Variants in DLC1 observed in about 807,000 individuals in gnomAD.
The protein encoded by DLC1 is DLC1 Rho GTPase activating protein.
In DLC1, 54 loss-of-function variants were observed where a neutral mutation model predicts 140.3. The observed-to-expected ratio is 0.38, with a 90% CI of 0.31 to 0.48. DLC1 has a LOEUF of 0.48. Among genes scored for constraint, DLC1 ranks in the 20% least tolerant of loss-of-function variants. DLC1 has a pLI of 0.96. For missense variants in DLC1, 2,536 were observed against 1,907.0 expected (o/e 1.33, Z -6.14); for synonymous variants, 986 against 728.1 (o/e 1.35, Z -5.70).
At chr8:13,373,737 G>T (rs767662358) in intron 4 of DLC1, among the ~76,000 whole-genome samples, 20 of 152,134 alleles carry the variant, frequency 1.3e-4, no homozygotes, top group Non-Finnish European at 1.8e-4. Context: ...TCTGCTAAGA[G>T]ATTTACTTCC....
At chr8:13,110,116 T>C (rs914966606) in intron 7 of DLC1, among the ~76,000 whole-genome samples, 7 of 151,454 alleles carry the variant, frequency 4.6e-5, no homozygotes, top group Admixed American at 2.6e-4. Flanking sequence ...ATTATCAGTG[T>C]CCCATCATCG....
intron 1 of DLC1, among the ~76,000 whole-genome samples, chr8:13,541,188 T>C (rs966767803): frequency 3.9e-5 from 6 of 152,202 alleles, no homozygotes; most frequent in Non-Finnish European, 8.8e-5. Context: ...ACAACCTGTT[T>C]ATACACTCAC....
At chr8:13,221,369 C>CTTTTT in intron 5 of DLC1, among the ~76,000 whole-genome samples, 3 of 141,450 alleles carry the variant, frequency 2.1e-5, no homozygotes, top group South Asian at 4.5e-4. Context: ...GTTTTCTTTT[C>CTTTTT]TTTTTTTTTT....
intron 2 of DLC1, among the ~76,000 whole-genome samples, chr8:13,415,764 G>A (rs1291241187): frequency 6.6e-6 from 1 of 152,084 alleles, no homozygotes; most frequent in Non-Finnish European, 1.5e-5. Context: ...ACTTGAAGAA[G>A]AAGTGCTGGA....
At chr8:13,554,396 G>C (rs2117365149) in intron 1 of DLC1, among the ~76,000 whole-genome samples, 1 of 152,172 alleles carries the variant, frequency 6.6e-6, no homozygotes, top group African/African-American at 2.4e-5. Context: ...CTCCTATAGT[G>C]CCTTCTAGGT....
At chr8:13,387,608 T>A (rs577047967) in intron 4 of DLC1, among the ~76,000 whole-genome samples, 1 of 152,186 alleles carries the variant, frequency 6.6e-6, no homozygotes, top group Non-Finnish European at 1.5e-5. Context: ...CTGGTTTACA[T>A]TGAAATTACT....
At chr8:13,410,411 T>C (rs1837734020) in intron 2 of DLC1, among the ~76,000 whole-genome samples, 1 of 152,018 alleles carries the variant, frequency 6.6e-6, no homozygotes, top group Non-Finnish European at 1.5e-5. Context: ...AAAACAGAGA[T>C]GATTATATTA....
intron 4 of DLC1, among the ~76,000 whole-genome samples, chr8:13,349,887 G>A (rs56058907): frequency 0.017 from 2,608 of 152,288 alleles, 87 homozygotes; most frequent in African/African-American, 0.059. Flanking sequence ...GGAGGTGAAT[G>A]TAGCCACAGG....
chr8:13,139,288 C>CAAAAAAAAAAAAAAAAA (rs67684524), intron 5 of DLC1, among the ~76,000 whole-genome samples: 7 of 49,286 alleles, frequency 1.4e-4, no homozygotes, highest in Non-Finnish European at 2.2e-4. Flanking sequence ...GACCCTGTCT[C>CAAAAAAAAAAAAAAAAA]AAAAAAAAAA....
At chr8:13,525,895 C>G (rs778841864) in intron 1 of DLC1, among the ~76,000 whole-genome samples, 1 of 151,998 alleles carries the variant, frequency 6.6e-6, no homozygotes, top group Non-Finnish European at 1.5e-5. Flanking sequence ...AAGATCTCTG[C>G]CTAATCTAAG....
chr8:13,398,659 C>CA (rs1264562577), intron 3 of DLC1, among the ~76,000 whole-genome samples: 1 of 150,542 alleles, frequency 6.6e-6, no homozygotes, highest in East Asian at 1.9e-4. Context: ...CCTGTAGTCC[C>CA]AACTATACTT....
At chr8:13,440,328 C>A (rs1798448891) in intron 2 of DLC1, among the ~76,000 whole-genome samples, 1 of 152,118 alleles carries the variant, frequency 6.6e-6, no homozygotes, top group Non-Finnish European at 1.5e-5. Context: ...CCAAGTTTCA[C>A]AAATGCTACT....
At chr8:13,486,457 A>C (rs1800971365) in intron 2 of DLC1, among the ~76,000 whole-genome samples, 1 of 152,146 alleles carries the variant, frequency 6.6e-6, no homozygotes, top group Non-Finnish European at 1.5e-5. Flanking sequence ...GATGTTGGCC[A>C]ATTCTTTCTG....
chr8:13,457,882 G>A (rs570075161), intron 2 of DLC1, among the ~76,000 whole-genome samples: 1 of 151,918 alleles, frequency 6.6e-6, no homozygotes, highest in East Asian at 1.9e-4. Flanking sequence ...TCTGTATTAT[G>A]GTAGTGTGGG....
At chr8:13,350,441 C>A (rs561105842) in intron 4 of DLC1, among the ~76,000 whole-genome samples, 2 of 152,068 alleles carry the variant, frequency 1.3e-5, no homozygotes, top group African/African-American at 2.4e-5. Context: ...CCAGGCCAGG[C>A]GTGGTGGCTC....
intron 5 of DLC1, among the ~76,000 whole-genome samples, chr8:13,293,650 A>G (rs981345506): frequency 6.6e-6 from 1 of 152,252 alleles, no homozygotes; most frequent in Non-Finnish European, 1.5e-5. Flanking sequence ...AGCCTGATAT[A>G]GCATAAAATT....
At chr8:13,565,495 AAAG>A (rs971386947) in intron 1 of DLC1, among the ~76,000 whole-genome samples, 2 of 152,208 alleles carry the variant, frequency 1.3e-5, no homozygotes, top group African/African-American at 4.8e-5. Flanking sequence ...CCTCTTTTTT[AAAG>A]ACTACCATTA....
At chr8:13,126,237 A>G (rs148195070) in intron 5 of DLC1, among the ~76,000 whole-genome samples, 1 of 150,964 alleles carries the variant, frequency 6.6e-6, no homozygotes, top group East Asian at 1.9e-4. Flanking sequence ...CAGCAAAAAG[A>G]GGTCAAACTG....
rs186191560 is a variant in DLC1, at chr8:13,339,957, C to T, written c.1315-34655G>A. On this transcript the variant is annotated intron_variant, in intron 4 of 17. Transcript: ENST00000276297. ...AACATAAAATTCCTGCCATAATCCT[C>T]GGGAGACAGGCAAATAAGCAACTGA... is the stretch of plus-strand genomic sequence containing the variant. 5.9e-5 allele frequency: 9 copies of T among 152,222 alleles called. No individual in the cohort carries two copies. The East Asian group carries it at 1.4e-3, about 23-fold the overall frequency. 9.4% of individuals were successfully genotyped at this position (152,222 alleles called of 1,614,324 possible).
Sources: gnomAD v4.1 joint callset for allele counts (sites outside exome capture counted in the v4.1 genomes callset) on GRCh38, gnomAD v4.1.1 for gene constraint, MANE v1.5 for transcripts, NCBI Gene and HGNC (gene_info 2026-07-23, HGNC 2026-07-21) for gene names.